The following NLN variants were observed in gnomAD, a reference collection of about 807,000 sequenced individuals.
NLN encodes the protein neurolysin, also known as neurolysin, mitochondrial.
A neutral mutation model predicts 79.9 loss-of-function variants in NLN; 64 were observed. That is an observed-to-expected ratio of 0.80 (90% CI 0.65 to 0.99). The LOEUF (loss-of-function observed/expected upper bound fraction) is 0.99, where lower values mean the gene tolerates loss of function less well. Ranked by LOEUF, NLN falls within the 50% of genes least tolerant of loss-of-function variation. NLN has a pLI of 0.00. For synonymous variants in NLN, 267 were observed against 296.6 expected, an observed-to-expected ratio of 0.90 and a Z score of 1.02; for missense variants, 835 against 858.7, an observed-to-expected ratio of 0.97 and a Z score of 0.34.
At chr5:65,818,258 T>C (rs998536282) in intron 12 of NLN, among the ~76,000 whole-genome samples, 1 of 152,224 alleles carries the variant, frequency 6.6e-6, no homozygotes, top group Non-Finnish European at 1.5e-5. Context: ...ATAAGACTCG[T>C]GTAAAAGGAA....
At chr5:65,776,346 A>G (rs774460668) in intron 3 of NLN, among the ~76,000 whole-genome samples, 3 of 152,244 alleles carry the variant, frequency 2.0e-5, no homozygotes, top group Non-Finnish European at 4.4e-5. Flanking sequence ...TACCTGCTGC[A>G]ACAAAAGATA....
intron 1 of NLN, among the ~76,000 whole-genome samples, chr5:65,723,696 T>C (rs527557460): frequency 3.3e-5 from 5 of 150,336 alleles, no homozygotes; most frequent in African/African-American, 1.2e-4. Flanking sequence ...GCGCCTGTAG[T>C]CCCAGCTACT....
At position 65,781,384 on chromosome 5, in the gene NLN, G is replaced by T; in HGVS notation, c.785G>T (p.Arg262Ile). ...MKKCCIPETR[R>I]RMEMAFNTRC... The stretch of plus-strand genomic sequence containing the variant: ...AAATGTTGTATCCCTGAAACCAGAA[G>T]AAGGATGGAAATGGCTTTTAATACA... The change falls in exon 6 of 13, where the codon AGA becomes ATA. Residue 262 changes from arginine to isoleucine, a missense_variant. Coordinates refer to ENST00000380985, the MANE Select transcript of NLN (RefSeq NM_020726.5). 1 of 1,610,092 alleles carries T rather than the reference G, an allele frequency of 6.2e-7. No individual in the cohort carries two copies. The highest frequency in any genetic ancestry group is 8.5e-7 in the Non-Finnish European group (1 of 1,176,588).
At chr5:65,749,229 A>G (rs1759052314) in intron 1 of NLN, among the ~76,000 whole-genome samples, 1 of 152,228 alleles carries the variant, frequency 6.6e-6, no homozygotes, top group Non-Finnish European at 1.5e-5. Context: ...GGGACTGTAG[A>G]GCTAATTCTT....
chr5:65,767,058 G>T (rs1371650443), intron 3 of NLN, among the ~76,000 whole-genome samples: 1 of 152,168 alleles, frequency 6.6e-6, no homozygotes, highest in Non-Finnish European at 1.5e-5. Context: ...CAGGTGCAGG[G>T]TGCAAGCTGT....
intron 8 of NLN, among the ~76,000 whole-genome samples, chr5:65,790,819 A>T (rs868002125): frequency 6.6e-6 from 1 of 152,264 alleles, no homozygotes; most frequent in Non-Finnish European, 1.5e-5. Flanking sequence ...GAACTCTTTC[A>T]GGAGTAATCC....
chr5:65,750,089 C>A (rs1759070680), intron 1 of NLN, among the ~76,000 whole-genome samples: 1 of 152,150 alleles, frequency 6.6e-6, no homozygotes, highest in Non-Finnish European at 1.5e-5. Context: ...AAAGGGTACC[C>A]AAGGAAGGGC....
intron 4 of NLN, among the ~76,000 whole-genome samples, chr5:65,779,835 G>A (rs190688848): frequency 2.7e-4 from 41 of 152,286 alleles, no homozygotes; most frequent in Middle Eastern, 3.4e-3. Context: ...CTCTACAGAA[G>A]TACTTCCTGG....
At chr5:65,783,011 A>G (rs929658630) in intron 6 of NLN, among the ~76,000 whole-genome samples, 1 of 152,088 alleles carries the variant, frequency 6.6e-6, no homozygotes, top group African/African-American at 2.4e-5. Flanking sequence ...GTACCACCCA[A>G]TTTCTGGTAT....
At chr5:65,738,048 C>T (rs1462624252) in intron 1 of NLN, among the ~76,000 whole-genome samples, 4 of 151,430 alleles carry the variant, frequency 2.6e-5, no homozygotes, top group South Asian at 4.2e-4. Context: ...GGATCGCTTG[C>T]ACCTCGGGAG....
At chr5:65,753,739 C>T (rs775690446) in intron 1 of NLN, among the ~76,000 whole-genome samples, 1 of 151,246 alleles carries the variant, frequency 6.6e-6, no homozygotes, top group Non-Finnish European at 1.5e-5. Flanking sequence ...GTGAAAAGAA[C>T]AGGGTGTTAA....
chr5:65,789,235 A>G (rs776741223), intron 8 of NLN, among the ~76,000 whole-genome samples: 1 of 152,200 alleles, frequency 6.6e-6, no homozygotes, highest in Non-Finnish European at 1.5e-5. Flanking sequence ...AATGTCTGGC[A>G]TCATCATTTA....
rs919482970 is a variant in NLN, at chr5:65,825,375, G to A, written c.*2460G>A. 6.6e-6 allele frequency: 1 copy of A among 151,920 alleles called. No homozygotes were observed. Among genetic ancestry groups the A allele is most frequent in the Admixed American group, 6.6e-5 (1 of 15,260 alleles). 9.4% of individuals were successfully genotyped at this position (151,920 alleles called of 1,614,324 possible). On this transcript the variant is annotated 3_prime_UTR_variant, in exon 13 of 13. Transcript: ENST00000380985. ...GGTCTCTCCTGGTAATTGATCCAGG[G>A]GATTTAGGCCTCTTTCGGGTTTTTT...
At chr5:65,745,664 G>A (rs1304027289) in intron 1 of NLN, among the ~76,000 whole-genome samples, 1 of 152,176 alleles carries the variant, frequency 6.6e-6, no homozygotes, top group Non-Finnish European at 1.5e-5. Context: ...ATTATGTCTG[G>A]AGCATAGATA....
chr5:65,788,409 G>A lies in NLN; in HGVS notation c.1250G>A (p.Ser417Asn), dbSNP rs765536926. The A allele has an allele frequency of 5.0e-6, 8 of 1,613,828 alleles. No individual in the cohort carries two copies. Among genetic ancestry groups the A allele is most frequent in the Non-Finnish European group, 6.8e-6 (8 of 1,179,798 alleles). ...ACAGATGCTCATGTTTGGAACAAGA[G>A]TGTTACACTTTATACTGTGAAGGAT... ...QMTDAHVWNK[S>N]VTLYTVKDKA... is the part of the protein sequence containing the mutation. Residue 417 changes from serine to asparagine, a missense_variant, in exon 8 of 13, where the codon AGT becomes AAT. By Grantham distance (46) the Ser-to-Asn change is conservative. Coordinates refer to ENST00000380985, the MANE Select transcript of NLN (RefSeq NM_020726.5).
chr5:65,769,445 A>T (rs1759521828), intron 3 of NLN, among the ~76,000 whole-genome samples: 1 of 152,232 alleles, frequency 6.6e-6, no homozygotes, highest in African/African-American at 2.4e-5. Flanking sequence ...GAGGGAAGGG[A>T]TACCCCATTC....
intron 9 of NLN, among the ~76,000 whole-genome samples, chr5:65,796,660 TCATCACA>T (rs1325857904): frequency 2.0e-5 from 3 of 152,350 alleles, no homozygotes; most frequent in Non-Finnish European, 2.9e-5. Flanking sequence ...ACTTTTAAGG[TCATCACA>T]AGTGATCACT....
chr5:65,799,326 A>T (rs1760233017), intron 9 of NLN, among the ~76,000 whole-genome samples: 1 of 152,244 alleles, frequency 6.6e-6, no homozygotes, highest in Non-Finnish European at 1.5e-5. Flanking sequence ...TGCAACAAAT[A>T]AAAAATTAAA....
At chr5:65,748,823 C>T (rs926505433) in intron 1 of NLN, among the ~76,000 whole-genome samples, 3 of 152,194 alleles carry the variant, frequency 2.0e-5, no homozygotes, top group African/African-American at 7.2e-5. Context: ...TCCTTAGAGT[C>T]TCCCTGGGAT....
Sources: allele counts gnomAD v4.1 joint callset (sites outside exome capture counted in the v4.1 genomes callset), GRCh38; gene constraint gnomAD v4.1.1; transcripts MANE v1.5; gene names NCBI Gene and HGNC (gene_info 2026-07-23, HGNC 2026-07-21).